DIAPH3: variants seen among roughly 807,000 people sequenced by gnomAD.
DIAPH3 encodes protein diaphanous homolog 3.
A neutral mutation model predicts 144.3 loss-of-function variants in DIAPH3; 117 were observed. The observed-to-expected ratio is 0.81, with a 90% CI of 0.70 to 0.95. The LOEUF is 0.95. DIAPH3 is among the 40% of genes least tolerant of loss of function. The pLI, the probability that DIAPH3 is intolerant of heterozygous loss-of-function variation, is 0.00. For missense variants in DIAPH3, 1,421 were observed against 1,412.7 expected, an observed-to-expected ratio of 1.01 and a Z score of -0.09; for synonymous variants, 519 against 488.9, an observed-to-expected ratio of 1.06 and a Z score of -0.81.
intron 17 of DIAPH3, among the ~76,000 whole-genome samples, chr13:59,949,443 A>T (rs73545330): frequency 1.4e-3 from 218 of 152,320 alleles, no homozygotes; most frequent in African/African-American, 5.1e-3. Flanking sequence ...GAAGGAAATC[A>T]CATCACCTGC....
rs2054719954 is a variant in DIAPH3 at position 60,030,649 on chromosome 13, G to A, written c.626+12041C>T. ...CCTCCTCAGAAATTCATAGCACAGT[G>A]GAGAGAGCAGCCACACATATAGACT... On this transcript the variant is annotated intron_variant, in intron 5 of 27. Transcript: ENST00000400324. Among the ~76,000 whole-genome samples, 3 of 152,118 alleles carry A rather than the reference G, an allele frequency of 2.0e-5. No homozygotes were observed. In the South Asian group the frequency reaches 6.2e-4, roughly 32 times the overall value.
chr13:59,731,237 C>T (rs774868093), intron 27 of DIAPH3, among the ~76,000 whole-genome samples: 1 of 152,168 alleles, frequency 6.6e-6, no homozygotes, highest in Non-Finnish European at 1.5e-5. Flanking sequence ...TCTACAAGGG[C>T]ATGAACAGCT....
intron 9 of DIAPH3, among the ~76,000 whole-genome samples, chr13:60,004,155 TG>T (rs1245611213): frequency 6.6e-6 from 1 of 152,242 alleles, no homozygotes; most frequent in African/African-American, 2.4e-5. Context: ...AGTAAACAAT[TG>T]GTTCCTATTT....
At chr13:59,699,520 C>A (rs2033989496) in intron 27 of DIAPH3, among the ~76,000 whole-genome samples, 1 of 152,124 alleles carries the variant, frequency 6.6e-6, no homozygotes, top group Admixed American at 6.5e-5. Flanking sequence ...AATTTATTTC[C>A]CTGTGTCCCA....
intron 25 of DIAPH3, among the ~76,000 whole-genome samples, chr13:59,804,079 A>G (rs917556661): frequency 2.6e-5 from 4 of 152,204 alleles, no homozygotes; most frequent in African/African-American, 9.6e-5. Context: ...AAAGTACTGA[A>G]CACATTTCTA....
chr13:59,726,046 A>G (rs1017742712), intron 27 of DIAPH3, among the ~76,000 whole-genome samples: 94 of 152,242 alleles, frequency 6.2e-4, no homozygotes, highest in Admixed American at 9.8e-4. Flanking sequence ...CATAGCTGCC[A>G]TATTTAACAG....
At chr13:60,040,464 A>G (rs1159029816) in intron 5 of DIAPH3, among the ~76,000 whole-genome samples, 2 of 152,150 alleles carry the variant, frequency 1.3e-5, no homozygotes, top group South Asian at 2.1e-4. Flanking sequence ...AACAAGACAC[A>G]GCATAATTTC....
At chr13:59,774,152 TAAG>T in intron 27 of DIAPH3, 34 bp downstream of exon 27, 10 of 1,597,604 alleles carry the variant, frequency 6.3e-6, no homozygotes, top group Non-Finnish European at 8.6e-6. Flanking sequence ...TAAAAGTAGA[TAAG>T]AAGAATGTGC....
chr13:59,707,354 A>C (rs1366924580), intron 27 of DIAPH3, among the ~76,000 whole-genome samples: 3 of 152,174 alleles, frequency 2.0e-5, no homozygotes, highest in African/African-American at 4.8e-5. Flanking sequence ...GTAATTTAGA[A>C]ACTGGTTAAG....
chr13:59,678,064 C>G (rs983353918), intron 27 of DIAPH3, among the ~76,000 whole-genome samples: 2 of 152,136 alleles, frequency 1.3e-5, no homozygotes, highest in African/African-American at 2.4e-5. Context: ...GAGGATCTAA[C>G]TTATTAAATC....
chr13:60,081,864 C>T (rs539107416), intron 4 of DIAPH3, among the ~76,000 whole-genome samples: 14 of 151,866 alleles, frequency 9.2e-5, no homozygotes, highest in African/African-American at 3.4e-4. Context: ...TACAAGAGGC[C>T]CAGAAAAGAT....
intron 17 of DIAPH3, 60 bp from the exon 18 acceptor site, chr13:59,924,930 A>C: frequency 6.5e-7 from 1 of 1,547,910 alleles, no homozygotes; most frequent in African/African-American, 1.4e-5. Flanking sequence ...CAAAAGTGGA[A>C]AAAGTGAACT....
intron 24 of DIAPH3, 190 bp downstream of exon 24, chr13:59,832,917 A>T: frequency 1.7e-6 from 1 of 576,066 alleles, no homozygotes; most frequent in Non-Finnish European, 3.1e-6. Flanking sequence ...ATTACAGCTT[A>T]ATGTTGGAAA....
chr13:60,040,051 T>C (rs547324261), intron 5 of DIAPH3, among the ~76,000 whole-genome samples: 7 of 151,438 alleles, frequency 4.6e-5, no homozygotes, highest in Non-Finnish European at 7.4e-5. Context: ...GCCTGGCCAA[T>C]ATGGTGAGGC....
At chr13:59,752,292 A>C (rs1330184083) in intron 27 of DIAPH3, among the ~76,000 whole-genome samples, 1 of 152,152 alleles carries the variant, frequency 6.6e-6, no homozygotes, top group Non-Finnish European at 1.5e-5. Context: ...TTCAAAACTA[A>C]GTAGACCCCT....
chr13:59,819,501 T>C (rs1287747741), intron 24 of DIAPH3, among the ~76,000 whole-genome samples: 1 of 151,878 alleles, frequency 6.6e-6, no homozygotes, highest in Non-Finnish European at 1.5e-5. Flanking sequence ...TATTGTTTTA[T>C]AGGGTTGAAC....
At chr13:60,121,249 T>C (rs1485741787) in intron 2 of DIAPH3, among the ~76,000 whole-genome samples, 1 of 151,904 alleles carries the variant, frequency 6.6e-6, no homozygotes, top group Non-Finnish European at 1.5e-5. Flanking sequence ...TTTTTTCCTA[T>C]ATGCATAACT....
rs1199990424 is a variant in DIAPH3, at chr13:59,981,511, C to CAA, written c.1481-654_1481-653dup. Among the ~76,000 whole-genome samples the CAA allele has an allele frequency of 6.2e-3, 566 of 91,134 alleles. 1 individual carries two copies. Among genetic ancestry groups the CAA allele is most frequent in the African/African-American group, 0.02 (526 of 26,220 alleles). The allele number at this position is 91,134 out of a possible 152,430, so 59.8% of individuals were successfully genotyped here. On this transcript the variant is annotated intron_variant, in intron 13 of 27. Coordinates refer to ENST00000400324, the MANE Select transcript of DIAPH3 (RefSeq NM_001042517.2). Reference sequence around the variant, plus strand: ...CATTAAAATATTTTTTGATGTTAGACAAAAAAAAAAAAAACTGAAAATAAC... The same window carrying CAA: ...CATTAAAATATTTTTTGATGTTAGACAAAAAAAAAAAAAAAACTGAAAATAAC...
chr13:59,682,712 C>T (rs2033009222), intron 27 of DIAPH3, among the ~76,000 whole-genome samples: 1 of 152,196 alleles, frequency 6.6e-6, no homozygotes, highest in Non-Finnish European at 1.5e-5. Flanking sequence ...ATTCCCTAGT[C>T]TGAATCATTG....
Sources: gnomAD v4.1 joint callset for allele counts (sites outside exome capture counted in the v4.1 genomes callset) on GRCh38, gnomAD v4.1.1 for gene constraint, MANE v1.5 for transcripts, NCBI Gene and HGNC (gene_info 2026-07-23, HGNC 2026-07-21) for gene names.